The following IL10RB variants were observed in gnomAD, a reference collection of about 807,000 sequenced individuals.
The protein encoded by IL10RB is interleukin 10 receptor subunit beta.
IL10RB carries 30 observed loss-of-function variants against 38.7 expected under a neutral mutation model. The ratio of observed to expected loss-of-function variants is 0.78; its 90% CI spans 0.58 to 1.05. IL10RB has a LOEUF of 1.05. IL10RB is among the 50% of genes least tolerant of loss of function. IL10RB has a pLI of 0.00. For synonymous variants in IL10RB, 142 were observed against 145.9 expected (o/e 0.97, Z 0.19); for missense variants, 328 against 397.1 (o/e 0.83, Z 1.48).
At chr21:33,301,884 C>A (rs1351603182), downstream of IL10RB, among the ~76,000 whole-genome samples, 10 of 152,212 alleles carry the variant, frequency 6.6e-5, no homozygotes. Flanking sequence ...CAGACTCAAT[C>A]ATCTAAGATA....
chr21:33,286,282 C>T (rs776378147), intron 5 of IL10RB, among the ~76,000 whole-genome samples: 1 of 152,202 alleles, frequency 6.6e-6, no homozygotes, highest in African/African-American at 2.4e-5. Context: ...GCTCTTTGAT[C>T]CCTGTGTCCC....
chr21:33,294,191 G>A (rs1187662413), intron 6 of IL10RB: 1 of 367,516 alleles, frequency 2.7e-6, no homozygotes, highest in Non-Finnish European at 5.4e-6. Context: ...CAACTACGGA[G>A]CAGTTCGAGG....
In IL10RB at chr21:33,283,156, T is replaced by C. The variant is rs1210027312; in HGVS notation, c.561T>C (p.Tyr187=). Residue 187 remains tyrosine, a synonymous_variant, in exon 5 of 7, where the codon TAT becomes TAC. Coordinates refer to ENST00000290200, the MANE Select transcript of IL10RB (RefSeq NM_000628.5). ...VLRNLEPWTT[Y]CVQVRGFLPD... is the part of the protein sequence containing the mutation. ...GAAACCTGGAGCCATGGACAACTTA[T>C]TGTGTTCAAGTTCGAGGGTTTCTTC... The C allele has an allele frequency of 4.3e-6, 7 of 1,613,960 alleles. No homozygotes were observed. Among genetic ancestry groups the C allele is most frequent in the East Asian group, 2.2e-5 (1 of 44,884 alleles).
intron 6 of IL10RB, chr21:33,294,041 G>T: frequency 2.1e-6 from 1 of 471,134 alleles, no homozygotes; most frequent in South Asian, 1.5e-5. Flanking sequence ...AAGAACAGAC[G>T]GAATGAACGG....
chr21:33,267,910 G>T, intron 1 of IL10RB: 1 of 242,602 alleles, frequency 4.1e-6, no homozygotes, highest in Non-Finnish European at 8.2e-6. Context: ...TCATCTGGCT[G>T]TCTCCCTGAC....
downstream of IL10RB, among the ~76,000 whole-genome samples, chr21:33,298,227 T>C (rs759534515): frequency 3.3e-5 from 5 of 152,240 alleles, no homozygotes; most frequent in Non-Finnish European, 5.9e-5. Flanking sequence ...CTAATCAGTC[T>C]AGCTGGTTGA....
chr21:33,267,423 T>C (rs1425238092), intron 1 of IL10RB, among the ~76,000 whole-genome samples: 2 of 152,010 alleles, frequency 1.3e-5, no homozygotes, highest in African/African-American at 2.4e-5. Context: ...TTTATTATAG[T>C]CTTCTACTTT....
chr21:33,299,966 T>C (rs1395515444), downstream of IL10RB, among the ~76,000 whole-genome samples: 1 of 152,208 alleles, frequency 6.6e-6, no homozygotes, highest in African/African-American at 2.4e-5. Flanking sequence ...CCTGAGGGGT[T>C]GTGAGTGTCT....
intron 6 of IL10RB, among the ~76,000 whole-genome samples, chr21:33,295,911 G>A (rs901110253): frequency 6.6e-6 from 1 of 151,980 alleles, no homozygotes; most frequent in African/African-American, 2.4e-5. Context: ...TGGCGTGGTA[G>A]CACATGCCTG....
At chr21:33,279,992 C>A (rs1299540051) in intron 4 of IL10RB, 74 bp downstream of exon 4, 1 of 1,328,578 alleles carries the variant, frequency 7.5e-7, no homozygotes, top group Admixed American at 1.7e-5. Flanking sequence ...GGTGGCAGCA[C>A]CTTATGGACT....
intron 6 of IL10RB, among the ~76,000 whole-genome samples, chr21:33,292,285 G>A (rs735299): frequency 0.44 from 66,515 of 151,980 alleles, 15,216 homozygotes; most frequent in Non-Finnish European, 0.51. Flanking sequence ...AGCTCTGCCC[G>A]TGGGGACACT....
In IL10RB at chr21:33,283,097, C is replaced by T; in HGVS notation, c.502C>T (p.Gln168Ter). The change falls in exon 5 of 7, where the codon CAA becomes TAA. Residue 168 changes from glutamine to a stop codon, truncating the protein, a stop_gained. Coordinates refer to ENST00000290200, the MANE Select transcript of IL10RB (RefSeq NM_000628.5). LOFTEE classifies it high-confidence loss of function. ...YWKNGTDEKF[Q>*]ITPQYDFEVL... ...TTATTTTTGTCTCCATTACTAGTTT[C>T]AAATTACTCCCCAGTATGACTTTGA... 1.2e-6 allele frequency: 2 copies of T among 1,612,534 alleles called. No homozygotes were observed. The highest frequency in any genetic ancestry group is 1.7e-6 in the Non-Finnish European group (2 of 1,178,676).
At chr21:33,287,185 T>C (rs1394016720) in intron 5 of IL10RB, among the ~76,000 whole-genome samples, 1 of 152,124 alleles carries the variant, frequency 6.6e-6, no homozygotes, top group African/African-American at 2.4e-5. Flanking sequence ...TAATAAATGC[T>C]CTCCGAAAGA....
Position 33,276,770 on chromosome 21 carries a change from T to C in IL10RB, c.331+17T>C. On this transcript the variant is annotated intron_variant, in intron 3 of 6. Coordinates refer to ENST00000290200, the MANE Select transcript of IL10RB (RefSeq NM_000628.5). Reference sequence around the variant, plus strand: ...TGGATGACAGTAAGCCATTTTGTTTTCCCTTTTTTTGTAATGTCATCATCT... The same window carrying C: ...TGGATGACAGTAAGCCATTTTGTTTCCCCTTTTTTTGTAATGTCATCATCT... 1 of 1,611,774 alleles carries C rather than the reference T, an allele frequency of 6.2e-7. No individual in the cohort carries two copies. The highest frequency in any genetic ancestry group is 8.5e-7 in the Non-Finnish European group (1 of 1,177,892).
chr21:33,296,038 T>G (rs2082964444), intron 6 of IL10RB, 146 bp from the exon 7 acceptor site: 1 of 450,204 alleles, frequency 2.2e-6, no homozygotes, highest in Non-Finnish European at 3.6e-6. Context: ...AGCAAGACTC[T>G]GTCTCAAAAA....
At chr21:33,297,513 C>T (rs1384753951), downstream of IL10RB, among the ~76,000 whole-genome samples, 1 of 151,758 alleles carries the variant, frequency 6.6e-6, no homozygotes, top group Non-Finnish European at 1.5e-5. Context: ...AGATTAGACA[C>T]AGAACTGAGC....
chr21:33,301,249 G>A (rs1000721827), downstream of IL10RB, among the ~76,000 whole-genome samples: 3 of 152,150 alleles, frequency 2.0e-5, no homozygotes, highest in Non-Finnish European at 2.9e-5. Flanking sequence ...GACTCAACAT[G>A]ATTTTTCTCC....
rs1167796035 is a variant in IL10RB, at chr21:33,268,487, G to A, written c.143G>A (p.Gly48Glu). 6.2e-7 allele frequency: 1 copy of A among 1,613,888 alleles called. No individual in the cohort carries two copies. ...TGGGAGTCACCTGCTTTTGCCAAAGGGAACCTGACTTTCACAGCTCAGTAC... is the reference window on the plus strand; with the variant it reads ...TGGGAGTCACCTGCTTTTGCCAAAGAGAACCTGACTTTCACAGCTCAGTAC... ...LQWESPAFAK[G>E]NLTFTAQYLS... The change falls in exon 2 of 7, where the codon GGG (glycine) becomes GAG (glutamate). Residue 48 changes from glycine to glutamate, a missense_variant. Gly to Glu is a moderately conservative substitution (Grantham distance 98). Coordinates refer to ENST00000290200, the MANE Select transcript of IL10RB (RefSeq NM_000628.5).
At chr21:33,270,688 T>C (rs959296851) in intron 2 of IL10RB, among the ~76,000 whole-genome samples, 5 of 151,018 alleles carry the variant, frequency 3.3e-5, no homozygotes, top group Admixed American at 2.6e-4. Flanking sequence ...TTTTTTTTTT[T>C]CTTTGAGACA....
Sources: allele counts gnomAD v4.1 joint callset (sites outside exome capture counted in the v4.1 genomes callset), GRCh38; gene constraint gnomAD v4.1.1; transcripts MANE v1.5; gene names NCBI Gene and HGNC (gene_info 2026-07-23, HGNC 2026-07-21).